The following ITGA9 variants were observed in gnomAD, a reference collection of about 807,000 sequenced individuals.
The protein encoded by ITGA9 is integrin subunit alpha 9, also known as integrin alpha-9.
ITGA9 carries 56 observed loss-of-function variants against 127.8 expected under a neutral mutation model. The observed-to-expected ratio is 0.44, with a 90% CI of 0.35 to 0.55. The LOEUF (loss-of-function observed/expected upper bound fraction) is 0.55, where lower values mean the gene tolerates loss of function less well. ITGA9 is among the 20% of genes least tolerant of loss of function. The pLI is 0.00. For synonymous variants in ITGA9, 508 were observed against 514.5 expected, an observed-to-expected ratio of 0.99 and a Z score of 0.17; for missense variants, 1,196 against 1,347.1, an observed-to-expected ratio of 0.89 and a Z score of 1.76.
At chr3:37,613,837 T>G (rs372664431) in intron 15 of ITGA9, among the ~76,000 whole-genome samples, 1 of 152,244 alleles carries the variant, frequency 6.6e-6, no homozygotes, top group East Asian at 1.9e-4. Context: ...TAAATTTGTT[T>G]GAGTTCATTG....
chr3:37,573,277 C>A (rs1475864), intron 15 of ITGA9: 87,818 of 152,010 alleles, frequency 0.58, 25,883 homozygotes, highest in East Asian at 0.75. Flanking sequence ...GTGTTTAAAC[C>A]CCTGGCTGGT....
At chr3:37,623,046 T>C (rs1405267825) in intron 15 of ITGA9, among the ~76,000 whole-genome samples, 1 of 152,198 alleles carries the variant, frequency 6.6e-6, no homozygotes, top group Non-Finnish European at 1.5e-5. Flanking sequence ...GGATATTTCC[T>C]ATTGAGAGAA....
chr3:37,793,545 T>A (rs1262653107), intron 26 of ITGA9, among the ~76,000 whole-genome samples: 1 of 151,672 alleles, frequency 6.6e-6, no homozygotes, highest in Non-Finnish European at 1.5e-5. Flanking sequence ...CGAACAAGTA[T>A]TGAAGGAATT....
intron 1 of ITGA9, among the ~76,000 whole-genome samples, chr3:37,465,371 A>G (rs751145163): frequency 6.6e-6 from 1 of 152,194 alleles, no homozygotes; most frequent in Non-Finnish European, 1.5e-5. Flanking sequence ...TGTTGGAAAA[A>G]TGCAGGGCAC....
intron 4 of ITGA9, among the ~76,000 whole-genome samples, chr3:37,493,580 T>C (rs17036437): frequency 0.035 from 5,229 of 151,328 alleles, 274 homozygotes; most frequent in African/African-American, 0.12. Context: ...TGCAGAACCT[T>C]TGATGGTCTA....
intron 18 of ITGA9, among the ~76,000 whole-genome samples, chr3:37,718,579 G>T (rs1701158384): frequency 6.6e-6 from 1 of 152,158 alleles, no homozygotes; most frequent in Non-Finnish European, 1.5e-5. Context: ...TAGAACACTT[G>T]CCTCAGATGA....
chr3:37,647,591 C>T (rs181943966), intron 16 of ITGA9, among the ~76,000 whole-genome samples: 1 of 151,938 alleles, frequency 6.6e-6, no homozygotes, highest in African/African-American at 2.4e-5. Context: ...CTAACCAAAA[C>T]TTTGTACCTT....
intron 23 of ITGA9, among the ~76,000 whole-genome samples, chr3:37,764,466 TAAAAAAAAAAAA>T (rs10694316): frequency 2.7e-5 from 2 of 74,656 alleles, no homozygotes; most frequent in Admixed American, 1.7e-4. Context: ...AGATTCTCAG[TAAAAAAAAAAAA>T]AAAAAAAAAA....
chr3:37,540,439 G>A (rs1699253959), intron 14 of ITGA9, among the ~76,000 whole-genome samples: 1 of 152,218 alleles, frequency 6.6e-6, no homozygotes, highest in Admixed American at 6.5e-5. Context: ...AAAGTAAATT[G>A]GCTAGAGTTC....
At chr3:37,718,348 A>C (rs1188842773) in intron 18 of ITGA9, among the ~76,000 whole-genome samples, 1 of 152,204 alleles carries the variant, frequency 6.6e-6, no homozygotes, top group Non-Finnish European at 1.5e-5. Context: ...TGCAGAGTTC[A>C]TTTCTCTGAG....
rs767688596 is a variant in ITGA9, at chr3:37,803,960, AG to A, written c.3009+20del. On this transcript the variant is annotated intron_variant, in intron 27 of 27. Coordinates refer to ENST00000264741, the MANE Select transcript of ITGA9 (RefSeq NM_002207.3). ...TCTGGAAGGTGAGTCTGGTGATTGC[AG>A]GTCCCCCTGGGGTCCCCACTCATAG... 6.2e-7 allele frequency: 1 copy of A among 1,613,924 alleles called. No homozygotes were observed. Among genetic ancestry groups the A allele is most frequent in the Non-Finnish European group, 8.5e-7 (1 of 1,179,916 alleles).
intron 25 of ITGA9, among the ~76,000 whole-genome samples, chr3:37,781,861 A>G (rs186963410): frequency 4.1e-4 from 62 of 152,308 alleles, no homozygotes; most frequent in Admixed American, 2.7e-3. Flanking sequence ...TTCCATTTTC[A>G]ATCTGTAGCC....
At chr3:37,556,232 C>A (rs1699429737) in intron 15 of ITGA9, among the ~76,000 whole-genome samples, 1 of 152,206 alleles carries the variant, frequency 6.6e-6, no homozygotes, top group South Asian at 2.1e-4. Flanking sequence ...GTGTCCTCAG[C>A]TGAAATGGGG....
At chr3:37,681,511 C>T (rs529722975) in intron 17 of ITGA9, among the ~76,000 whole-genome samples, 2 of 152,272 alleles carry the variant, frequency 1.3e-5, no homozygotes, top group South Asian at 4.2e-4. Flanking sequence ...AAGAGAGGGT[C>T]TGCCCCCTTT....
At chr3:37,512,052 CTTTCTTTCTTTCTTTCT>C (rs1559524620) in intron 8 of ITGA9, among the ~76,000 whole-genome samples, 1,524 of 42,086 alleles carry the variant, frequency 0.036, 158 homozygotes, top group East Asian at 0.11. Context: ...TTCTTTCTTT[CTTTCTTTCTTTCTTTCT>C]TTCTTTCCTT....
intron 5 of ITGA9, among the ~76,000 whole-genome samples, chr3:37,498,328 A>G (rs778176607): frequency 6.6e-6 from 1 of 151,990 alleles, no homozygotes; most frequent in Non-Finnish European, 1.5e-5. Flanking sequence ...TTTAGATGGG[A>G]GGAGAAGCTA....
intron 27 of ITGA9, among the ~76,000 whole-genome samples, chr3:37,817,842 G>A (rs1184924002): frequency 6.6e-6 from 1 of 152,086 alleles, no homozygotes; most frequent in Non-Finnish European, 1.5e-5. Context: ...CAAAGGGCAG[G>A]GTCTTTTCAG....
intron 17 of ITGA9, among the ~76,000 whole-genome samples, chr3:37,669,046 A>G (rs1700612022): frequency 6.6e-6 from 1 of 152,200 alleles, no homozygotes; most frequent in Non-Finnish European, 1.5e-5. Flanking sequence ...TTTTGCTGAA[A>G]TTGCAGTGAG....
rs140827727 is a variant in ITGA9 at position 37,755,097 on chromosome 3, C to T, written c.2541+4528C>T. Among the ~76,000 whole-genome samples, 115 of 152,212 alleles carry T rather than the reference C, an allele frequency of 7.6e-4. No individual in the cohort carries two copies. In the East Asian group the frequency reaches 0.021, roughly 28 times the overall value. On this transcript the variant is annotated intron_variant, in intron 23 of 27. Transcript: ENST00000264741. ...AAAATGAATACCATTTATTGCTGTC[C>T]CAAGGCTTTAGTAGCCTTTTTCATG...
Sources: allele counts gnomAD v4.1 joint callset (sites outside exome capture counted in the v4.1 genomes callset), GRCh38; gene constraint gnomAD v4.1.1; transcripts MANE v1.5; gene names NCBI Gene and HGNC (gene_info 2026-07-23, HGNC 2026-07-21).